MAP4K4: variants seen among roughly 807,000 people sequenced by gnomAD.
The protein encoded by MAP4K4 is mitogen-activated protein kinase kinase kinase kinase 4, also known as HPK/GCK-like kinase HGK.
Under a neutral mutation model 189.6 loss-of-function variants are expected in MAP4K4, and 38 were observed. That is an observed-to-expected ratio of 0.20 (90% CI 0.15 to 0.26). MAP4K4 has a LOEUF of 0.26. Ranked by LOEUF, MAP4K4 falls within the 10% of genes least tolerant of loss-of-function variation. The probability of loss-of-function intolerance (pLI) is 1.00; values close to 1 mark genes in which losing one functional copy is unlikely to be tolerated. For synonymous variants in MAP4K4, 610 were observed against 624.3 expected, an observed-to-expected ratio of 0.98 and a Z score of 0.34; for missense variants, 1,054 against 1,726.9, an observed-to-expected ratio of 0.61 and a Z score of 6.91.
chr2:101,873,546 A>T lies in MAP4K4; in HGVS notation c.2953-101A>T, dbSNP rs548910803. ...TGATGCAAGGCAAATAGAGCAAAGT[A>T]TTGGGAAATAGTGCAATATAGAAGT... On this transcript the variant is annotated intron_variant, in intron 24 of 32. Coordinates refer to ENST00000324219, the Ensembl canonical transcript of MAP4K4. The T allele has an allele frequency of 3.6e-5, 24 of 674,990 alleles. No homozygotes were observed. The East Asian group carries it at 6.9e-4, about 20-fold the overall frequency. 41.8% of individuals were successfully genotyped at this position (674,990 alleles called of 1,614,324 possible).
intron 6 of MAP4K4, among the ~76,000 whole-genome samples, chr2:101,829,960 A>G (rs1314131469): frequency 6.6e-6 from 1 of 151,826 alleles, no homozygotes; most frequent in African/African-American, 2.4e-5. Context: ...TTCCCTCCTC[A>G]TTTTATGTCC....
At chr2:101,868,447 A>G (rs1029420025) in intron 21 of MAP4K4, among the ~76,000 whole-genome samples, 1 of 152,246 alleles carries the variant, frequency 6.6e-6, no homozygotes, top group Non-Finnish European at 1.5e-5. Flanking sequence ...TTTACATAAA[A>G]TTCCCCAAAA....
intron 2 of MAP4K4, among the ~76,000 whole-genome samples, chr2:101,698,831 A>T (rs2036299358): frequency 6.6e-6 from 1 of 152,056 alleles, no homozygotes; most frequent in Non-Finnish European, 1.5e-5. Context: ...GACAACCTGA[A>T]TTTTTTCTTT....
At chr2:101,786,471 T>G (rs776866890) in intron 2 of MAP4K4, among the ~76,000 whole-genome samples, 6 of 152,186 alleles carry the variant, frequency 3.9e-5, no homozygotes, top group Non-Finnish European at 8.8e-5. Flanking sequence ...AGAAGGTTGC[T>G]CTATCAAAGG....
intron 2 of MAP4K4, among the ~76,000 whole-genome samples, chr2:101,783,470 CAG>C (rs1180250943): frequency 6.6e-6 from 1 of 152,080 alleles, no homozygotes; most frequent in African/African-American, 2.4e-5. Context: ...TCCCAGACTT[CAG>C]AGTGTGTAAG....
chr2:101,823,433 T>C (rs982256452), intron 3 of MAP4K4, among the ~76,000 whole-genome samples: 2 of 152,252 alleles, frequency 1.3e-5, no homozygotes, highest in African/African-American at 2.4e-5. Context: ...ATGTATTCAG[T>C]ACTTTGCCTT....
intron 5 of MAP4K4, among the ~76,000 whole-genome samples, chr2:101,826,239 T>A (rs949123417): frequency 5.9e-5 from 9 of 152,214 alleles, no homozygotes; most frequent in African/African-American, 2.2e-4. Flanking sequence ...TTAAAGTAAC[T>A]AATAAGTTAT....
chr2:101,882,612 T>C, exon 28 of MAP4K4: 1 of 1,611,888 alleles, frequency 6.2e-7, no homozygotes, highest in Non-Finnish European at 8.5e-7. Context: ...TACTTCACAA[T>C]GATCCAGAAG....
chr2:101,807,812 G>T (rs916324169), intron 3 of MAP4K4, among the ~76,000 whole-genome samples: 1 of 152,122 alleles, frequency 6.6e-6, no homozygotes, highest in Non-Finnish European at 1.5e-5. Flanking sequence ...GGGAAGGAGC[G>T]CTCTGCACAC....
intron 2 of MAP4K4, among the ~76,000 whole-genome samples, chr2:101,746,163 CT>C (rs1171689751): frequency 6.6e-6 from 1 of 151,912 alleles, no homozygotes; most frequent in Non-Finnish European, 1.5e-5. Context: ...CTAATTTTTA[CT>C]TTTAGTAGAG....
chr2:101,803,253 G>GTGTGTA (rs1257659038), intron 3 of MAP4K4, among the ~76,000 whole-genome samples: 1 of 132,838 alleles, frequency 7.5e-6, no homozygotes, highest in African/African-American at 2.6e-5. Context: ...TGATGTGTGT[G>GTGTGTA]TGTGTGTGTG....
chr2:101,714,831 T>C (rs933041886), intron 2 of MAP4K4, among the ~76,000 whole-genome samples: 2 of 152,334 alleles, frequency 1.3e-5, no homozygotes, highest in African/African-American at 4.8e-5. Context: ...TCGGGAATCA[T>C]GGAACTCATC....
intron 2 of MAP4K4, among the ~76,000 whole-genome samples, chr2:101,765,000 C>T (rs2078003299): frequency 6.6e-6 from 1 of 151,940 alleles, no homozygotes; most frequent in Non-Finnish European, 1.5e-5. Context: ...ATCAGATGGT[C>T]CAAAAAATGT....
At chr2:101,861,055 G>C in intron 16 of MAP4K4, 69 bp downstream of exon 16, 3 of 1,401,276 alleles carry the variant, frequency 2.1e-6, no homozygotes, top group Non-Finnish European at 2.9e-6. Context: ...CAGGCCTGCT[G>C]TAATATCACA....
intron 2 of MAP4K4, among the ~76,000 whole-genome samples, chr2:101,705,542 A>G (rs1306881887): frequency 6.6e-6 from 1 of 152,238 alleles, no homozygotes; most frequent in Admixed American, 6.5e-5. Flanking sequence ...TGAAATGAAA[A>G]GGTAGACATA....
In MAP4K4 at chr2:101,771,531, T is replaced by C. The variant is rs1422561412; in HGVS notation, c.124-19189T>C. Reference sequence around the variant, plus strand: ...TTTCCTCTGAACCAGCTGCTCAGTCTTCACTGAGATTTTTCAGGTTCCTTT... The same window carrying C: ...TTTCCTCTGAACCAGCTGCTCAGTCCTCACTGAGATTTTTCAGGTTCCTTT... On this transcript the variant is annotated intron_variant, in intron 2 of 32. Transcript: ENST00000324219. 2.6e-5 allele frequency among the ~76,000 whole-genome samples: 4 copies of C among 152,240 alleles called. No individual in the cohort carries two copies. The East Asian group carries it at 7.7e-4, about 29-fold the overall frequency.
intron 18 of MAP4K4, 47 bp downstream of exon 18, chr2:101,865,083 C>G: frequency 8.9e-7 from 1 of 1,128,908 alleles, no homozygotes; most frequent in Non-Finnish European, 1.3e-6. Flanking sequence ...TGCAGTCTAC[C>G]ACAGCCTTAC....
intron 3 of MAP4K4, among the ~76,000 whole-genome samples, chr2:101,809,954 A>C (rs1163082213): frequency 6.6e-6 from 1 of 152,278 alleles, no homozygotes; most frequent in Non-Finnish European, 1.5e-5. Flanking sequence ...TGACATGAAC[A>C]CATAAGTGAT....
intron 2 of MAP4K4, among the ~76,000 whole-genome samples, chr2:101,775,873 C>G (rs1335959404): frequency 6.6e-6 from 1 of 152,206 alleles, no homozygotes; most frequent in Non-Finnish European, 1.5e-5. Context: ...TGGTCACTCA[C>G]TGTGGGTCAG....
Sources: gnomAD v4.1 joint callset for allele counts (sites outside exome capture counted in the v4.1 genomes callset) on GRCh38, gnomAD v4.1.1 for gene constraint, MANE v1.5 for transcripts, NCBI Gene and HGNC (gene_info 2026-07-23, HGNC 2026-07-21) for gene names.